GUSB: variants seen among roughly 807,000 people sequenced by gnomAD.
GUSB encodes glucuronidase beta.
In GUSB, 51 loss-of-function variants were observed where a neutral mutation model predicts 74.6. The ratio of observed to expected loss-of-function variants is 0.68; its 90% CI spans 0.55 to 0.86. The LOEUF is 0.86. Among genes scored for constraint, GUSB ranks in the 40% least tolerant of loss-of-function variants. The pLI is 0.00. For missense variants in GUSB, 736 were observed against 853.7 expected (o/e 0.86, Z 1.72); for synonymous variants, 360 against 348.3 (o/e 1.03, Z -0.37).
chr7:65,974,122 G>A (rs1791396959), intron 8 of GUSB, among the ~76,000 whole-genome samples, 173 bp downstream of exon 8: 1 of 152,026 alleles, frequency 6.6e-6, no homozygotes, highest in Admixed American at 6.6e-5. Flanking sequence ...GAACAAAAAA[G>A]AAAACCACAA....
At chr7:65,964,037 G>T (rs77390147) in intron 11 of GUSB, 11,594 of 446,886 alleles carry the variant, frequency 0.026, 216 homozygotes, top group Middle Eastern at 0.043. Flanking sequence ...TTCCTCCTTG[G>T]CTACAAAATA....
chr7:65,981,582 T>C (rs561692592), intron 1 of GUSB, among the ~76,000 whole-genome samples: 5 of 151,472 alleles, frequency 3.3e-5, no homozygotes, highest in African/African-American at 9.7e-5. Flanking sequence ...ACCCCCTAAA[T>C]TGCAAGGCTG....
rs1174340949 is a variant in GUSB at position 65,960,814 on chromosome 7, C to T, written c.*83G>A. The T allele has an allele frequency of 5.3e-6, 6 of 1,138,872 alleles. No individual in the cohort carries two copies. The highest frequency in any genetic ancestry group is 6.7e-6 in the Non-Finnish European group (5 of 747,142). The allele number at this position is 1,138,872 out of a possible 1,614,324, so 70.5% of individuals were successfully genotyped here. On this transcript the variant is annotated 3_prime_UTR_variant, in exon 12 of 12. Coordinates refer to ENST00000304895, the MANE Select transcript of GUSB (RefSeq NM_000181.4). ...CAGAAACGTTCTGGTCTGCCGTGAA[C>T]AGTCCAGGAGGCACTTGTTCTGCTG...
Position 65,960,737 on chromosome 7 carries a change from T to G in GUSB, c.*160A>C. 2 of 680,488 alleles carry G rather than the reference T, an allele frequency of 2.9e-6. No individual in the cohort carries two copies. The highest frequency in any genetic ancestry group is 5.3e-6 in the Non-Finnish European group (2 of 379,942). The allele number at this position is 680,488 out of a possible 1,614,324, so 42.2% of individuals were successfully genotyped here. ...TTTATTTCCATAATAGAAAATCTTT[T>G]ATTTCCACCTTTAGTGTTCCCTGCT... On this transcript the variant is annotated 3_prime_UTR_variant, in exon 12 of 12. Transcript: ENST00000304895.
intron 10 of GUSB, among the ~76,000 whole-genome samples, chr7:65,967,401 C>T (rs1162236749): frequency 6.6e-6 from 1 of 152,166 alleles, no homozygotes; most frequent in Non-Finnish European, 1.5e-5. Flanking sequence ...CTGCAGTGAG[C>T]AGTGATCGCA....
chr7:65,971,772 C>T (rs967267227), intron 8 of GUSB, among the ~76,000 whole-genome samples: 19 of 150,872 alleles, frequency 1.3e-4, no homozygotes, highest in Non-Finnish European at 1.9e-4. Context: ...CTGACATGGC[C>T]GCACACACCT....
At chr7:65,964,708 G>A (rs887213879) in intron 10 of GUSB, among the ~76,000 whole-genome samples, 5 of 151,764 alleles carry the variant, frequency 3.3e-5, no homozygotes, top group Non-Finnish European at 5.9e-5. Context: ...TTTGACATTC[G>A]TTTCACATTA....
At chr7:65,977,627 C>T (rs1225393731) in intron 4 of GUSB, among the ~76,000 whole-genome samples, 2 of 151,382 alleles carry the variant, frequency 1.3e-5, no homozygotes, top group Non-Finnish European at 2.9e-5. Flanking sequence ...GCAGCTAAAG[C>T]GATCCATCCA....
chr7:65,961,103 C>G lies in GUSB; in HGVS notation c.1790-40G>C, dbSNP rs746043660. 1.9e-6 allele frequency: 3 copies of G among 1,580,870 alleles called. No homozygotes were observed. In the South Asian group the frequency reaches 3.3e-5, roughly 17 times the overall value. The stretch of plus-strand genomic sequence containing the variant: ...AAAAGACACAAAGCGATTCAGATGT[C>G]TTCTGATGGGTCAAGTTAGAACCAG... On this transcript the variant is annotated intron_variant, in intron 11 of 11. Transcript: ENST00000304895.
intron 5 of GUSB, 131 bp downstream of exon 5, chr7:65,975,884 C>T (rs1422586634): frequency 1.8e-5 from 13 of 709,666 alleles, no homozygotes; most frequent in Non-Finnish European, 3.0e-5. Context: ...GGCCTCCCAC[C>T]AAGGGTGAGA....
In GUSB at chr7:65,974,357, G is replaced by A. The variant is rs139776224; in HGVS notation, c.1329C>T (p.Val443=). The A allele has an allele frequency of 3.9e-4, 632 of 1,614,122 alleles. 8 individuals are homozygous for A. In the South Asian group the frequency reaches 6.0e-3, roughly 15 times the overall value. Residue 443 remains valine (V), a synonymous_variant, in exon 8 of 12, where the codon GTC becomes GTT. Coordinates refer to ENST00000304895, the MANE Select transcript of GUSB (RefSeq NM_000181.4). ...VVRRDKNHPA[V]VMWSVANEPA... ...GCTCGTTGGCCACAGACCACATCACGACCGCGGGGTGGTTCTTGTCCCTAC... is the reference window on the plus strand; with the variant it reads ...GCTCGTTGGCCACAGACCACATCACAACCGCGGGGTGGTTCTTGTCCCTAC...
At position 65,960,704 on chromosome 7, in the gene GUSB, G is replaced by A. The variant is rs1208948152; in HGVS notation, c.*193C>T. ...GATGCTTTTCAGTAGCCACTTTCATGCCAACTCTTTATTTCCATAATAGAA... is the reference window on the plus strand; with the variant it reads ...GATGCTTTTCAGTAGCCACTTTCATACCAACTCTTTATTTCCATAATAGAA... On this transcript the variant is annotated 3_prime_UTR_variant, in exon 12 of 12. Transcript: ENST00000304895. 8.3e-6 allele frequency: 5 copies of A among 603,248 alleles called. No individual in the cohort carries two copies. The highest frequency in any genetic ancestry group is 1.5e-5 in the Non-Finnish European group (5 of 339,316). The allele number at this position is 603,248 out of a possible 1,614,324, so 37.4% of individuals were successfully genotyped here.
intron 10 of GUSB, among the ~76,000 whole-genome samples, chr7:65,967,015 G>A (rs1175331678): frequency 1.3e-5 from 2 of 152,202 alleles, no homozygotes; most frequent in South Asian, 2.1e-4. Context: ...GAGCAGGAGA[G>A]CAAGCGAGGG....
chr7:65,974,206 C>T, intron 8 of GUSB, 89 bp downstream of exon 8: 1 of 1,305,438 alleles, frequency 7.7e-7, no homozygotes. Flanking sequence ...GGACACGAGG[C>T]CGATCTTGAA....
intron 8 of GUSB, among the ~76,000 whole-genome samples, chr7:65,973,744 G>A (rs1583918400): frequency 6.6e-6 from 1 of 151,962 alleles, no homozygotes; most frequent in South Asian, 2.1e-4. Context: ...GCAATAGAGG[G>A]AGACTGCATA....
chr7:65,975,176 G>T, intron 5 of GUSB, 105 bp from the exon 6 acceptor site: 2 of 975,774 alleles, frequency 2.0e-6, no homozygotes, highest in Non-Finnish European at 3.2e-6. Flanking sequence ...GCTGCCTCTG[G>T]GCCTGTAAGC....
intron 5 of GUSB, 159 bp downstream of exon 5, chr7:65,975,848 CAAAAAAAA>C (rs112120049): frequency 8.2e-5 from 36 of 437,158 alleles, no homozygotes; most frequent in Non-Finnish European, 1.3e-4. Flanking sequence ...GAGACCATCT[CAAAAAAAA>C]AAAAAAAAAA....
In GUSB at chr7:65,980,412, G is replaced by A. The variant is rs1791926936; in HGVS notation, c.211-3C>T. The A allele has an allele frequency of 1.2e-6, 2 of 1,612,562 alleles. No homozygotes were observed. The highest frequency in any genetic ancestry group is 1.1e-5 in the South Asian group (1 of 90,778). ...GGCATGTCCACGGTGGGGCCTGACT[G>A]TGGAGAGAAGAGCCGGGCTCAGCTC... On this transcript the variant is annotated splice_polypyrimidine_tract_variant and splice_region_variant and intron_variant, in intron 1 of 11. Transcript: ENST00000304895.
Position 65,970,354 on chromosome 7 carries a change from A to G in GUSB, c.1404T>C (p.Ala468=). ...SAGYYLKMVI[A]HTKSLDPSRP... is the part of the protein sequence containing the mutation. ...GGGAGGGGTCCAAGGATTTGGTGTGAGCGATCACCATCCTGTCCACAAAAG... is the reference window on the plus strand; with the variant it reads ...GGGAGGGGTCCAAGGATTTGGTGTGGGCGATCACCATCCTGTCCACAAAAG... The change falls in exon 9 of 12, where the codon GCT becomes GCC. Residue 468 remains alanine (A), a synonymous_variant. Coordinates refer to ENST00000304895, the MANE Select transcript of GUSB (RefSeq NM_000181.4). 6.2e-7 allele frequency: 1 copy of G among 1,611,582 alleles called. No homozygotes were observed. Among genetic ancestry groups the G allele is most frequent in the Non-Finnish European group, 8.5e-7 (1 of 1,178,236 alleles).
Sources: gnomAD v4.1 joint callset for allele counts (sites outside exome capture counted in the v4.1 genomes callset) on GRCh38, gnomAD v4.1.1 for gene constraint, MANE v1.5 for transcripts, NCBI Gene and HGNC (gene_info 2026-07-23, HGNC 2026-07-21) for gene names.